Variants in C1orf53 observed in about 807,000 individuals in gnomAD.
C1orf53 encodes the protein uncharacterized protein C1orf53.
Under a neutral mutation model 17.5 loss-of-function variants are expected in C1orf53, and 23 were observed. That is an observed-to-expected ratio of 1.31 (90% confidence interval 0.94 to 1.86). The LOEUF (loss-of-function observed/expected upper bound fraction) is 1.86, where lower values mean the gene tolerates loss of function less well. Ranked by LOEUF, C1orf53 falls within the 40% of genes most tolerant of loss-of-function variation. The pLI is 0.00. For synonymous variants in C1orf53, 108 were observed against 81.9 expected, an observed-to-expected ratio of 1.32 and a Z score of -1.72; for missense variants, 255 against 193.2, an observed-to-expected ratio of 1.32 and a Z score of -1.89.
chr1:197,902,919 A>T lies in C1orf53; in HGVS notation c.264+6A>T. The T allele has an allele frequency of 7.0e-7, 1 of 1,432,852 alleles. No homozygotes were observed. 88.8% of individuals were successfully genotyped at this position (1,432,852 alleles called of 1,614,324 possible). A position where few individuals can be genotyped will look rare whatever the true frequency, so the allele number is the denominator to read the frequency against. ...TGCACGCTGCCGCCTGCGCGGTGAGACTCCCTCCTGCCCGCCCCGCCCCGC... is the reference window on the plus strand; with the variant it reads ...TGCACGCTGCCGCCTGCGCGGTGAGTCTCCCTCCTGCCCGCCCCGCCCCGC... On this transcript the variant is annotated splice_donor_region_variant and intron_variant, in intron 1 of 2. Transcript: ENST00000367393.
chr1:197,905,972 A>G (rs138123930), intron 2 of C1orf53, 75 bp downstream of exon 2: 1 of 1,120,826 alleles, frequency 8.9e-7, no homozygotes. Flanking sequence ...TTATTTGAAC[A>G]ACAAGTCAAA....
Position 197,905,857 on chromosome 1 carries a change from A to G in C1orf53, c.326A>G (p.His109Arg), listed in dbSNP as rs772544322. 1 of 1,614,004 alleles carries G rather than the reference A, an allele frequency of 6.2e-7. No individual in the cohort carries two copies. Among genetic ancestry groups the G allele is most frequent in the East Asian group, 2.2e-5 (1 of 44,882 alleles). The change falls in exon 2 of 3, where the codon CAC (histidine) becomes CGC (arginine). Residue 109 changes from histidine to arginine, a missense_variant. Coordinates refer to ENST00000367393, the MANE Select transcript of C1orf53 (RefSeq NM_001024594.3). ...TGYVVLTQIA[H>R]LQRGECCGSA... ...TATGTGGTGCTCACACAGATTGCCC[A>G]CTTGCAAAGAGGTGAATGTTGTGGC...
intron 2 of C1orf53, among the ~76,000 whole-genome samples, chr1:197,906,397 T>C (rs1254338477): frequency 6.6e-6 from 1 of 151,878 alleles, no homozygotes; most frequent in African/African-American, 2.4e-5. Flanking sequence ...TCTCTCATTC[T>C]GTTCCCCACC....
chr1:197,905,255 A>T (rs72744974), intron 1 of C1orf53, among the ~76,000 whole-genome samples: 13,989 of 152,268 alleles, frequency 0.092, 780 homozygotes, highest in Non-Finnish European at 0.12. Flanking sequence ...AAAAAAAAAA[A>T]TAGTATAAAA....
intron 1 of C1orf53, among the ~76,000 whole-genome samples, chr1:197,903,172 G>A (rs1311106282): frequency 2.0e-5 from 3 of 152,236 alleles, no homozygotes; most frequent in Non-Finnish European, 4.4e-5. Context: ...TCCGGTCGCA[G>A]TGTGGGACCC....
At chr1:197,904,158 C>G (rs533593587) in intron 1 of C1orf53, among the ~76,000 whole-genome samples, 72 of 152,276 alleles carry the variant, frequency 4.7e-4, no homozygotes, top group African/African-American at 1.5e-3. Context: ...AAATCTGAGC[C>G]CCCTCACTAT....
Position 197,907,182 on chromosome 1 carries a change from T to C in C1orf53, c.400T>C (p.Ser134Pro). ...PYGQVNVKDP[S>P]KKKQFNSYFY... ...TGGTCAAGTCAATGTTAAAGATCCA[T>C]CTAAAAAGAAGCAATTCAATTCATA... is the stretch of plus-strand genomic sequence containing the variant. Residue 134 changes from serine (S) to proline (P), a missense_variant, in exon 3 of 3, where the codon TCT becomes CCT. Coordinates refer to ENST00000367393, the MANE Select transcript of C1orf53 (RefSeq NM_001024594.3). The C allele has an allele frequency of 6.3e-7, 1 of 1,584,832 alleles. No homozygotes were observed. The highest frequency in any genetic ancestry group is 8.6e-7 in the Non-Finnish European group (1 of 1,157,578).
Position 197,902,660 on chromosome 1 carries a change from G to A in C1orf53, c.11G>A (p.Arg4Lys). MAA[R>K]QIWARTGAAL... ...AAGGCCGGCGGCGGCATGGCGGCCA[G>A]GCAGATCTGGGCACGGACGGGTGCC... Residue 4 changes from arginine (R) to lysine (K), a missense_variant, in exon 1 of 3, where the codon AGG (arginine) becomes AAG (lysine). Physicochemically the swap from Arg to Lys is conservative, Grantham distance 26 (BLOSUM62 2). Transcript: ENST00000367393. 6 of 1,465,852 alleles carry A rather than the reference G, an allele frequency of 4.1e-6. No individual in the cohort carries two copies. The highest frequency in any genetic ancestry group is 5.4e-6 in the Non-Finnish European group (6 of 1,113,938). 90.8% of individuals were successfully genotyped at this position (1,465,852 alleles called of 1,614,324 possible).
chr1:197,903,204 A>G (rs1475307998), intron 1 of C1orf53, among the ~76,000 whole-genome samples: 1 of 151,882 alleles, frequency 6.6e-6, no homozygotes, highest in African/African-American at 2.4e-5. Context: ...TTTGTGGTGT[A>G]TGTGTGTGTG....
intron 2 of C1orf53, 107 bp downstream of exon 2, chr1:197,906,004 A>G (rs1190120326): frequency 9.4e-6 from 8 of 849,626 alleles, no homozygotes; most frequent in Non-Finnish European, 1.6e-5. Context: ...ATAGACCTGG[A>G]GTGAACTTTT....
Position 197,902,879 on chromosome 1 carries a change from G to T in C1orf53, c.230G>T (p.Arg77Leu), listed in dbSNP as rs540100387. Residue 77 changes from arginine to leucine, a missense_variant, in exon 1 of 3, where the codon CGA becomes CTA. By Grantham distance (102) the Arg-to-Leu change is moderately radical (BLOSUM62 -2). Coordinates refer to ENST00000367393, the MANE Select transcript of C1orf53 (RefSeq NM_001024594.3). ...SVSEELTAAE[R>L]QIAELHAAAC... ...AGCGAAGAGTTAACCGCGGCGGAGCGACAGATCGCGGAGCTGCACGCTGCC... is the reference window on the plus strand; with the variant it reads ...AGCGAAGAGTTAACCGCGGCGGAGCTACAGATCGCGGAGCTGCACGCTGCC... 4.6e-5 allele frequency: 69 copies of T among 1,509,206 alleles called. No individual in the cohort carries two copies. The South Asian group carries it at 7.7e-4, about 17-fold the overall frequency. 93.5% of individuals were successfully genotyped at this position (1,509,206 alleles called of 1,614,324 possible). A position where few individuals can be genotyped will look rare whatever the true frequency, so the allele number is the denominator to read the frequency against.
Position 197,902,881 on chromosome 1 carries a change from C to T in C1orf53, c.232C>T (p.Gln78Ter), listed in dbSNP as rs1453297127. ...VSEELTAAER[Q>*]IAELHAAACA... is the part of the protein sequence containing the mutation. ...CGAAGAGTTAACCGCGGCGGAGCGACAGATCGCGGAGCTGCACGCTGCCGC... is the reference window on the plus strand; with the variant it reads ...CGAAGAGTTAACCGCGGCGGAGCGATAGATCGCGGAGCTGCACGCTGCCGC... The change falls in exon 1 of 3, where the codon CAG becomes TAG. Residue 78 changes from glutamine to a stop codon, truncating the protein, a stop_gained. Coordinates refer to ENST00000367393, the MANE Select transcript of C1orf53 (RefSeq NM_001024594.3). LOFTEE classifies it high-confidence loss of function. 2.1e-5 allele frequency: 32 copies of T among 1,507,712 alleles called. No homozygotes were observed. Among genetic ancestry groups the T allele is most frequent in the Non-Finnish European group, 2.7e-5 (31 of 1,133,426 alleles). The allele number at this position is 1,507,712 out of a possible 1,614,324, so 93.4% of individuals were successfully genotyped here. A position where few individuals can be genotyped will look rare whatever the true frequency, so the allele number is the denominator to read the frequency against.
In C1orf53 at chr1:197,907,194, C is replaced by T; in HGVS notation, c.412C>T (p.Gln138Ter). ...TGTTAAAGATCCATCTAAAAAGAAG[C>T]AATTCAATTCATATTTTTATGTTTG... is the stretch of plus-strand genomic sequence containing the variant. ...VNVKDPSKKK[Q>*]FNSYFYV The change falls in exon 3 of 3, where the codon CAA becomes TAA. Residue 138 changes from glutamine to a stop codon, truncating the protein, a stop_gained. Transcript: ENST00000367393. LOFTEE classifies it high-confidence loss of function. 1.3e-6 allele frequency: 2 copies of T among 1,580,412 alleles called. No homozygotes were observed. Among genetic ancestry groups the T allele is most frequent in the South Asian group, 1.1e-5 (1 of 87,850 alleles).
intron 1 of C1orf53, among the ~76,000 whole-genome samples, chr1:197,905,043 A>G (rs1354212852): frequency 6.6e-6 from 1 of 152,216 alleles, no homozygotes; most frequent in African/African-American, 2.4e-5. Flanking sequence ...CACAGAAAAG[A>G]TTATGTTATT....
At position 197,905,778 on chromosome 1, in the gene C1orf53, C is replaced by G. The variant is rs1435083341; in HGVS notation, c.265-18C>G. ...GAATATTGAGATTAATGAATTGTTT[C>G]ATTTTATTGCACTTCAGGCTGGCCA... On this transcript the variant is annotated intron_variant, in intron 1 of 2. Coordinates refer to ENST00000367393, the MANE Select transcript of C1orf53 (RefSeq NM_001024594.3). 5 of 1,517,720 alleles carry G rather than the reference C, an allele frequency of 3.3e-6. No individual in the cohort carries two copies. The highest frequency in any genetic ancestry group is 1.7e-5 in the Admixed American group (1 of 59,462). 94.0% of individuals were successfully genotyped at this position (1,517,720 alleles called of 1,614,324 possible).
chr1:197,903,972 C>G (rs1659481165), intron 1 of C1orf53, among the ~76,000 whole-genome samples: 1 of 152,164 alleles, frequency 6.6e-6, no homozygotes, highest in African/African-American at 2.4e-5. Flanking sequence ...CTCCTTAGAG[C>G]AAACACCAGT....
intron 1 of C1orf53, among the ~76,000 whole-genome samples, chr1:197,904,372 A>G (rs1054524195): frequency 3.3e-5 from 5 of 152,312 alleles, no homozygotes; most frequent in African/African-American, 1.2e-4. Context: ...CTCAATCAAC[A>G]TGGAAAGCTG....
intron 1 of C1orf53, among the ~76,000 whole-genome samples, chr1:197,903,948 A>G (rs1659480693): frequency 6.6e-6 from 1 of 152,264 alleles, no homozygotes; most frequent in South Asian, 2.1e-4. Flanking sequence ...TGGATATTAA[A>G]GAAAAGTGTC....
Position 197,902,902 on chromosome 1 carries a change from G to A in C1orf53, c.253G>A (p.Ala85Thr), listed in dbSNP as rs1659448559. The change falls in exon 1 of 3, where the codon GCC (alanine) becomes ACC (threonine). Residue 85 changes from alanine (A) to threonine (T), a missense_variant. Transcript: ENST00000367393. ...GCGACAGATCGCGGAGCTGCACGCT[G>A]CCGCCTGCGCGGTGAGACTCCCTCC... ...AERQIAELHA[A>T]ACAAGQLNYV... is the part of the protein sequence containing the mutation. The A allele has an allele frequency of 2.0e-6, 3 of 1,471,418 alleles. No homozygotes were observed. Among genetic ancestry groups the A allele is most frequent in the Middle Eastern group, 2.1e-4 (1 of 4,846 alleles). 91.1% of individuals were successfully genotyped at this position (1,471,418 alleles called of 1,614,324 possible). A position where few individuals can be genotyped will look rare whatever the true frequency, so the allele number is the denominator to read the frequency against.
Sources: allele counts gnomAD v4.1 joint callset (sites outside exome capture counted in the v4.1 genomes callset), GRCh38; gene constraint gnomAD v4.1.1; transcripts MANE v1.5; gene names NCBI Gene and HGNC (gene_info 2026-07-23, HGNC 2026-07-21).